Variants in CNTNAP3B observed in about 807,000 individuals in gnomAD.
CNTNAP3B encodes the protein contactin-associated protein-like 3B.
In CNTNAP3B, 25 loss-of-function variants were observed where a neutral mutation model predicts 108.9. That is an observed-to-expected ratio of 0.23 (90% CI 0.17 to 0.32). CNTNAP3B has a LOEUF of 0.32. CNTNAP3B is among the 10% of genes least tolerant of loss of function. CNTNAP3B has a pLI of 1.00. For synonymous variants in CNTNAP3B, 103 were observed against 473.4 expected (o/e 0.22, Z 10.16); for missense variants, 252 against 1,210.4 (o/e 0.21, Z 11.75).
chr9:41,919,457 G>T (rs1393002448), intron 18 of CNTNAP3B, among the ~76,000 whole-genome samples: 23 of 152,326 alleles, frequency 1.5e-4, no homozygotes, highest in African/African-American at 5.3e-4. Flanking sequence ...GAAGCTGTGT[G>T]ATACCCCACT....
At chr9:41,964,916 A>T (rs1281763289) in intron 10 of CNTNAP3B, among the ~76,000 whole-genome samples, 1 of 152,266 alleles carries the variant, frequency 6.6e-6, no homozygotes, top group Non-Finnish European at 1.5e-5. Context: ...ATAACTTGAC[A>T]TGTGGCTAGC....
chr9:42,126,414 C>A (rs1828572292), intron 1 of CNTNAP3B, among the ~76,000 whole-genome samples: 1 of 132,942 alleles, frequency 7.5e-6, no homozygotes, highest in Non-Finnish European at 1.6e-5. Flanking sequence ...AGTAAGTGAC[C>A]TTTCACTCAG....
intron 14 of CNTNAP3B, 149 bp from the exon 15 acceptor site, chr9:41,929,593 C>T: frequency 1.0e-6 from 1 of 978,722 alleles, no homozygotes; most frequent in Non-Finnish European, 1.5e-6. Context: ...CAGAGACTAC[C>T]ATGAATCTAA....
intron 3 of CNTNAP3B, among the ~76,000 whole-genome samples, chr9:42,076,146 G>T (rs1310731990): frequency 1.8e-5 from 1 of 55,616 alleles, no homozygotes; most frequent in East Asian, 6.8e-4. Context: ...CAGGTGCGGT[G>T]GCTCACTCCT....
At chr9:41,962,592 C>T (rs1436452768) in intron 11 of CNTNAP3B, among the ~76,000 whole-genome samples, 8 of 141,878 alleles carry the variant, frequency 5.6e-5, no homozygotes, top group Non-Finnish European at 1.2e-4. Flanking sequence ...AGATGTGGTC[C>T]CTGCACCAAC....
At position 41,968,462 on chromosome 9, in the gene CNTNAP3B, G is replaced by A. The variant is rs957289089; in HGVS notation, c.1649+1612C>T. 4.3e-5 allele frequency among the ~76,000 whole-genome samples: 6 copies of A among 140,700 alleles called. 1 individual carries two copies. Among genetic ancestry groups the A allele is most frequent in the Non-Finnish European group, 9.2e-5 (6 of 65,200 alleles). The allele number at this position is 140,700 out of a possible 152,430, so 92.3% of individuals were successfully genotyped here. On this transcript the variant is annotated intron_variant, in intron 10 of 23. Coordinates refer to ENST00000377561, the MANE Select transcript of CNTNAP3B (RefSeq NM_001201380.3). Reference sequence around the variant, plus strand: ...GATGTAAATGCAGTCCCAGCTGTGTGCCAAGAATTCAAATCTCAAGGTCAA... The same window carrying A: ...GATGTAAATGCAGTCCCAGCTGTGTACCAAGAATTCAAATCTCAAGGTCAA...
intron 3 of CNTNAP3B, among the ~76,000 whole-genome samples, chr9:42,035,628 T>A (rs1292250526): frequency 1.3e-5 from 2 of 149,450 alleles, no homozygotes; most frequent in African/African-American, 5.0e-5. Context: ...ACACACAAAG[T>A]GTTCATTATC....
At chr9:42,117,946 G>A (rs1407688222) in intron 1 of CNTNAP3B, among the ~76,000 whole-genome samples, 3 of 137,850 alleles carry the variant, frequency 2.2e-5, no homozygotes, top group Non-Finnish European at 3.1e-5. Context: ...TAAATTCCTC[G>A]ACACATACAT....
At position 42,042,167 on chromosome 9, in the gene CNTNAP3B, C is replaced by T. The variant is rs1306774744; in HGVS notation, c.391-28642G>A. Among the ~76,000 whole-genome samples, 2 of 136,296 alleles carry T rather than the reference C, an allele frequency of 1.5e-5. 1 individual carries two copies. Among genetic ancestry groups the T allele is most frequent in the African/African-American group, 5.8e-5 (2 of 34,514 alleles). 89.4% of individuals were successfully genotyped at this position (136,296 alleles called of 152,430 possible). A position where few individuals can be genotyped will look rare whatever the true frequency, so the allele number is the denominator to read the frequency against. On this transcript the variant is annotated intron_variant, in intron 3 of 23. Transcript: ENST00000377561. ...TAATGGGTGCAGCACACCAACATGGCACATGTATACATATGTAACAAACCT... is the reference window on the plus strand; with the variant it reads ...TAATGGGTGCAGCACACCAACATGGTACATGTATACATATGTAACAAACCT...
intron 1 of CNTNAP3B, among the ~76,000 whole-genome samples, chr9:42,118,517 G>C (rs1366450650): frequency 1.5e-5 from 2 of 133,194 alleles, no homozygotes; most frequent in Admixed American, 1.5e-4. Flanking sequence ...GGTATTGATG[G>C]CACCTATCTC....
At chr9:41,944,511 G>A (rs1447632662) in intron 13 of CNTNAP3B, among the ~76,000 whole-genome samples, 17 of 152,388 alleles carry the variant, frequency 1.1e-4, no homozygotes, top group African/African-American at 4.1e-4. Context: ...TATACTCAAA[G>A]GCTACCACTA....
intron 1 of CNTNAP3B, among the ~76,000 whole-genome samples, chr9:42,125,646 C>T (rs572125206): frequency 1.5e-5 from 2 of 134,788 alleles, no homozygotes; most frequent in South Asian, 2.4e-4. Flanking sequence ...TGAATAAAGG[C>T]ATGTGAACTA....
At position 42,096,103 on chromosome 9, in the gene CNTNAP3B, C is replaced by T. The variant is rs137895800; in HGVS notation, c.196+8526G>A. On this transcript the variant is annotated intron_variant, in intron 2 of 23. Coordinates refer to ENST00000377561, the MANE Select transcript of CNTNAP3B (RefSeq NM_001201380.3). ...TGTCCTCACCGGCCACCAGAGCTGC[C>T]GCAGGGCGTCCAGTCCTGTCACTGA... Among the ~76,000 whole-genome samples, 318 of 140,048 alleles carry T rather than the reference C, an allele frequency of 2.3e-3. 45 individuals carry two copies. The highest frequency in any genetic ancestry group is 2.9e-4 in the Non-Finnish European group (19 of 65,080). The allele number at this position is 140,048 out of a possible 152,430, so 91.9% of individuals were successfully genotyped here. A position where few individuals can be genotyped will look rare whatever the true frequency, so the allele number is the denominator to read the frequency against.
rs1272190005 is a variant in CNTNAP3B, at chr9:42,079,563, C to T, written c.197-2501G>A. 1.5e-5 allele frequency among the ~76,000 whole-genome samples: 2 copies of T among 129,982 alleles called. 1 individual carries two copies. Among genetic ancestry groups the T allele is most frequent in the Non-Finnish European group, 3.2e-5 (2 of 61,724 alleles). 85.3% of individuals were successfully genotyped at this position (129,982 alleles called of 152,430 possible). ...TTTGAGATGGAGTCTCACTCTGTCA[C>T]CAGCCTGGAGTGCAGTGGCGAGATC... is the stretch of plus-strand genomic sequence containing the variant. On this transcript the variant is annotated intron_variant, in intron 2 of 23. Transcript: ENST00000377561.
chr9:41,923,598 C>A (rs1308341013), intron 16 of CNTNAP3B, among the ~76,000 whole-genome samples: 3 of 152,286 alleles, frequency 2.0e-5, no homozygotes, highest in Non-Finnish European at 4.4e-5. Flanking sequence ...CCCACCTCTA[C>A]CAAAAATACA....
rs1823912781 is a variant in CNTNAP3B at position 41,929,445 on chromosome 9, C to T, written c.2238-1G>A. On this transcript the variant is annotated splice_acceptor_variant, in intron 14 of 23. Coordinates refer to ENST00000377561, the MANE Select transcript of CNTNAP3B (RefSeq NM_001201380.3). LOFTEE classifies it high-confidence loss of function. ...GGAAAGGACTATTGTGTCACTAGTC[C>T]TAAAGAACAACAACCGAAACCATTA... The T allele has an allele frequency of 1.3e-6, 2 of 1,528,104 alleles. No homozygotes were observed. The highest frequency in any genetic ancestry group is 1.8e-6 in the Non-Finnish European group (2 of 1,131,030). 94.7% of individuals were successfully genotyped at this position (1,528,104 alleles called of 1,614,324 possible).
At chr9:41,972,599 C>G (rs1341391951) in intron 9 of CNTNAP3B, among the ~76,000 whole-genome samples, 3 of 138,530 alleles carry the variant, frequency 2.2e-5, no homozygotes, top group Admixed American at 1.4e-4. Flanking sequence ...TTCTTTTTAG[C>G]TTATCGAAAC....
Position 42,034,209 on chromosome 9 carries a change from T to TCTATCTATCTATCTATCTAA in CNTNAP3B, c.391-20685_391-20684insTTAGATAGATAGATAGATAG, listed in dbSNP as rs1355339196. On this transcript the variant is annotated intron_variant, in intron 3 of 23. Transcript: ENST00000377561. The stretch of plus-strand genomic sequence containing the variant: ...ATGTATCTATCTATCTATCTATCTA[T>TCTATCTATCTATCTATCTAA]CTATTTCTCATCTATACATAATAAC... 1.3e-4 allele frequency among the ~76,000 whole-genome samples: 18 copies of TCTATCTATCTATCTATCTAA among 135,848 alleles called. 4 individuals carry two copies. The highest frequency in any genetic ancestry group is 2.4e-4 in the South Asian group (1 of 4,144). 89.1% of individuals were successfully genotyped at this position (135,848 alleles called of 152,430 possible). A position where few individuals can be genotyped will look rare whatever the true frequency, so the allele number is the denominator to read the frequency against.
At position 42,058,256 on chromosome 9, in the gene CNTNAP3B, T is replaced by G. The variant is rs1371866555; in HGVS notation, c.390+18613A>C. 5.9e-5 allele frequency among the ~76,000 whole-genome samples: 9 copies of G among 152,284 alleles called. No individual in the cohort carries two copies. The East Asian group carries it at 1.7e-3, about 29-fold the overall frequency. On this transcript the variant is annotated intron_variant, in intron 3 of 23. Transcript: ENST00000377561. ...ATAGTGGGATTGCTGAATCATTTGG[T>G]AATTCTATTTTTGATTTTTTGAGGA...
Sources: allele counts gnomAD v4.1 joint callset (sites outside exome capture counted in the v4.1 genomes callset), GRCh38; gene constraint gnomAD v4.1.1; transcripts MANE v1.5; gene names NCBI Gene and HGNC (gene_info 2026-07-23, HGNC 2026-07-21).